Variants in FARS2 observed in about 807,000 individuals in gnomAD.
FARS2 encodes phenylalanine--tRNA ligase, mitochondrial.
In FARS2, 40 loss-of-function variants were observed where a neutral mutation model predicts 46.4. The observed-to-expected ratio is 0.86, with a 90% CI of 0.67 to 1.12. The LOEUF (loss-of-function observed/expected upper bound fraction) is 1.12, where lower values mean the gene tolerates loss of function less well. Among genes scored for constraint, FARS2 ranks in the 50% most tolerant of loss-of-function variants. The probability of loss-of-function intolerance (pLI) is 0.00; values close to 1 mark genes in which losing one functional copy is unlikely to be tolerated. For synonymous variants in FARS2, 234 were observed against 214.9 expected (o/e 1.09, Z -0.78); for missense variants, 513 against 567.9 (o/e 0.90, Z 0.98).
Position 5,400,282 on chromosome 6 carries a change from C to G in FARS2, c.613-4260C>G, listed in dbSNP as rs1162177273. Among the ~76,000 whole-genome samples the G allele has an allele frequency of 2.6e-5, 4 of 151,672 alleles. No individual in the cohort carries two copies. The East Asian group carries it at 7.7e-4, about 29-fold the overall frequency. ...TCTTTTTTTTGATGAATTGTCTGTT[C>G]TTTTTCTATGGAGTTTTTGGCCCTT... is the stretch of plus-strand genomic sequence containing the variant. On this transcript the variant is annotated intron_variant, in intron 2 of 6. Transcript: ENST00000274680.
At chr6:5,686,398 T>G (rs978212200) in intron 6 of FARS2, among the ~76,000 whole-genome samples, 1 of 151,436 alleles carries the variant, frequency 6.6e-6, no homozygotes, top group Middle Eastern at 3.4e-3. Context: ...TTCCCCTTCC[T>G]GTGTCCATGT....
chr6:5,414,126 C>T (rs573325926), intron 3 of FARS2, among the ~76,000 whole-genome samples: 4 of 152,228 alleles, frequency 2.6e-5, no homozygotes, highest in African/African-American at 7.2e-5. Context: ...AATTGCTGCC[C>T]GACAGAGGCA....
intron 2 of FARS2, among the ~76,000 whole-genome samples, chr6:5,399,295 C>A (rs1367823983): frequency 2.0e-5 from 3 of 151,808 alleles, no homozygotes; most frequent in African/African-American, 7.3e-5. Flanking sequence ...TTGTCTCAGC[C>A]TCCCAAGTAG....
Position 5,368,568 on chromosome 6 carries a change from A to G in FARS2, c.-3A>G, listed in dbSNP as rs1217474764. On this transcript the variant is annotated 5_prime_UTR_variant, in exon 2 of 7. Transcript: ENST00000274680. ...TTTCCAGAACCTGTGAGAAGTTTCT[A>G]CAATGGTGGGCTCAGCTCTCAGGAG... 2 of 1,601,768 alleles carry G rather than the reference A, an allele frequency of 1.2e-6. No individual in the cohort carries two copies. Among genetic ancestry groups the G allele is most frequent in the Non-Finnish European group, 1.7e-6 (2 of 1,172,712 alleles).
chr6:5,732,892 C>T (rs1308289607), intron 6 of FARS2, among the ~76,000 whole-genome samples: 1 of 152,112 alleles, frequency 6.6e-6, no homozygotes, highest in African/African-American at 2.4e-5. Context: ...TCCACAGTTG[C>T]TGAATTCTTC....
chr6:5,332,367 G>C (rs1770855494), intron 1 of FARS2, among the ~76,000 whole-genome samples: 1 of 152,210 alleles, frequency 6.6e-6, no homozygotes, highest in Non-Finnish European at 1.5e-5. Flanking sequence ...CATTAGGCTG[G>C]CAATAGTTTC....
At chr6:5,367,848 A>G (rs1035031554) in intron 1 of FARS2, among the ~76,000 whole-genome samples, 2 of 152,242 alleles carry the variant, frequency 1.3e-5, no homozygotes, top group African/African-American at 4.8e-5. Context: ...ACAGCTGTCC[A>G]TTGATATAGT....
intron 4 of FARS2, among the ~76,000 whole-genome samples, chr6:5,511,381 G>T (rs11243014): frequency 6.6e-6 from 1 of 152,040 alleles, no homozygotes; most frequent in African/African-American, 2.4e-5. Context: ...CATTATGTTC[G>T]TATTAATACA....
At chr6:5,468,512 A>G (rs912029629) in intron 4 of FARS2, among the ~76,000 whole-genome samples, 1 of 152,236 alleles carries the variant, frequency 6.6e-6, no homozygotes, top group African/African-American at 2.4e-5. Context: ...AGGATAATCC[A>G]TAATATTATA....
chr6:5,544,103 C>T (rs1247593583), intron 4 of FARS2, among the ~76,000 whole-genome samples: 3 of 151,542 alleles, frequency 2.0e-5, no homozygotes, highest in African/African-American at 7.3e-5. Flanking sequence ...GAATTTGTTC[C>T]GTCCCACTGT....
intron 3 of FARS2, among the ~76,000 whole-genome samples, chr6:5,414,683 T>A (rs1045996052): frequency 7.2e-5 from 11 of 152,178 alleles, no homozygotes; most frequent in Admixed American, 7.2e-4. Flanking sequence ...TTGGGTTGTT[T>A]CCAGGTTTTG....
At chr6:5,535,981 G>A (rs1468508819) in intron 4 of FARS2, among the ~76,000 whole-genome samples, 2 of 151,720 alleles carry the variant, frequency 1.3e-5, no homozygotes, top group Admixed American at 1.3e-4. Context: ...AAGAGATATT[G>A]GTATGTGGCT....
At chr6:5,746,486 C>T (rs1010707508) in intron 6 of FARS2, among the ~76,000 whole-genome samples, 1 of 152,144 alleles carries the variant, frequency 6.6e-6, no homozygotes, top group Non-Finnish European at 1.5e-5. Flanking sequence ...GTCCCCGAGC[C>T]AAGCAGGGTG....
chr6:5,307,331 C>T (rs1768779348), intron 1 of FARS2, among the ~76,000 whole-genome samples: 1 of 152,150 alleles, frequency 6.6e-6, no homozygotes, highest in Non-Finnish European at 1.5e-5. Context: ...ATTTGAGAGT[C>T]ATTGATCTGA....
intron 6 of FARS2, among the ~76,000 whole-genome samples, chr6:5,744,189 G>A (rs1189844057): frequency 1.3e-5 from 2 of 152,182 alleles, no homozygotes; most frequent in African/African-American, 4.8e-5. Context: ...AGCTGGGCCT[G>A]TTACAGGCCT....
chr6:5,730,279 C>T lies in FARS2; in HGVS notation c.1218-41012C>T, dbSNP rs145366466. ...CCTTTCTAGAAAGAGAGAGAGACAGCGAGAGAGCGCAATTGATTGATTGAG... is the reference window on the plus strand; with the variant it reads ...CCTTTCTAGAAAGAGAGAGAGACAGTGAGAGAGCGCAATTGATTGATTGAG... On this transcript the variant is annotated intron_variant, in intron 6 of 6. Transcript: ENST00000274680. Among the ~76,000 whole-genome samples the T allele has an allele frequency of 7.4e-3, 1,125 of 152,200 alleles. 10 individuals are homozygous for T. Among genetic ancestry groups the T allele is most frequent in the Non-Finnish European group, 0.011 (767 of 68,012 alleles).
At chr6:5,456,577 CA>C (rs1276595005) in intron 4 of FARS2, among the ~76,000 whole-genome samples, 1 of 151,754 alleles carries the variant, frequency 6.6e-6, no homozygotes, top group East Asian at 1.9e-4. Context: ...ACTAAAAGCA[CA>C]AAAAATTAAC....
chr6:5,663,478 C>T (rs1777946709), intron 6 of FARS2, among the ~76,000 whole-genome samples: 1 of 152,170 alleles, frequency 6.6e-6, no homozygotes, highest in Non-Finnish European at 1.5e-5. Flanking sequence ...ACAGGGCTTG[C>T]CTTTGGGGCC....
At chr6:5,488,673 G>A (rs1329409692) in intron 4 of FARS2, among the ~76,000 whole-genome samples, 1 of 127,786 alleles carries the variant, frequency 7.8e-6, no homozygotes, top group African/African-American at 2.9e-5. Context: ...AATTTGAGGT[G>A]CCTCTTAGAA....
Sources: allele counts gnomAD v4.1 joint callset (sites outside exome capture counted in the v4.1 genomes callset), GRCh38; gene constraint gnomAD v4.1.1; transcripts MANE v1.5; gene names NCBI Gene and HGNC (gene_info 2026-07-23, HGNC 2026-07-21).